CRYBG3: variants seen among roughly 807,000 people sequenced by gnomAD.
The protein encoded by CRYBG3 is very large A-kinase anchor protein.
In CRYBG3, 127 loss-of-function variants were observed where a neutral mutation model predicts 244.2. The observed-to-expected ratio is 0.52, with a 90% confidence interval of 0.45 to 0.60. The LOEUF (loss-of-function observed/expected upper bound fraction) is 0.60, where lower values mean the gene tolerates loss of function less well. Among genes scored for constraint, CRYBG3 ranks in the 20% least tolerant of loss-of-function variants. CRYBG3 has a pLI of 0.00. For synonymous variants in CRYBG3, 1,132 were observed against 1,195.8 expected, an observed-to-expected ratio of 0.95 and a Z score of 1.10; for missense variants, 3,325 against 3,442.5, an observed-to-expected ratio of 0.97 and a Z score of 0.85.
In CRYBG3 at chr3:97,873,838, C is replaced by G; in HGVS notation, c.2644C>G (p.Gln882Glu). 1 of 1,533,898 alleles carries G rather than the reference C, an allele frequency of 6.5e-7. No individual in the cohort carries two copies. Among genetic ancestry groups the G allele is most frequent in the Non-Finnish European group, 8.7e-7 (1 of 1,146,196 alleles). ...LSELTFLEVE[Q>E]GKRFQSINHN... Reference sequence around the variant, plus strand: ...AGAATTAACCTTTCTAGAAGTTGAACAGGGCAAACGTTTTCAATCAATTAA... The same window carrying G: ...AGAATTAACCTTTCTAGAAGTTGAAGAGGGCAAACGTTTTCAATCAATTAA... The change falls in exon 4 of 22, where the codon CAG (glutamine) becomes GAG (glutamate). Residue 882 changes from glutamine to glutamate, a missense_variant. Physicochemically the swap from Gln to Glu is conservative, Grantham distance 29. Around this residue, in one of 4 missense-constraint regions of CRYBG3, gnomAD observed 1,526 missense variants for 1,443.2 expected, o/e 1.06. Coordinates refer to ENST00000389622, the MANE Select transcript of CRYBG3 (RefSeq NM_153605.4).
chr3:97,875,713 A>T lies in CRYBG3; in HGVS notation c.4519A>T (p.Asn1507Tyr), dbSNP rs1156710990. Residue 1507 changes from asparagine to tyrosine, a missense_variant, in exon 4 of 22, where the codon AAC becomes TAC. Physicochemically the swap from Asn to Tyr is moderately radical, Grantham distance 143. Coordinates refer to ENST00000389622, the MANE Select transcript of CRYBG3 (RefSeq NM_153605.4). The stretch of plus-strand genomic sequence containing the variant: ...TAGCCTTGTATGTATATCTGAAAAA[A>T]ACTTGCCAGGACACAGTAAAAACAC... ...SDSLVCISEK[N>Y]LPGHSKNTPL... 1 of 1,232,238 alleles carries T rather than the reference A, an allele frequency of 8.1e-7. No individual in the cohort carries two copies. The highest frequency in any genetic ancestry group is 1.0e-6 in the Non-Finnish European group (1 of 988,170). The allele number at this position is 1,232,238 out of a possible 1,614,324, so 76.3% of individuals were successfully genotyped here.
intron 7 of CRYBG3, among the ~76,000 whole-genome samples, chr3:97,882,916 G>T (rs191824241): frequency 6.6e-6 from 1 of 152,268 alleles, no homozygotes; most frequent in East Asian, 1.9e-4. Flanking sequence ...CAATACTGTG[G>T]TGTGCACAGG....
rs139833783 is a variant in CRYBG3, at chr3:97,866,855, A to G, written c.647+2208A>G. Reference sequence around the variant, plus strand: ...CAATTCTCCAAAGTCTCCTCAACAAATAATGGTGGTTCTTGATTTAGGAGG... The same window carrying G: ...CAATTCTCCAAAGTCTCCTCAACAAGTAATGGTGGTTCTTGATTTAGGAGG... On this transcript the variant is annotated intron_variant, in intron 3 of 21. Transcript: ENST00000389622. 5.0e-3 allele frequency among the ~76,000 whole-genome samples: 756 copies of G among 152,332 alleles called. 4 individuals are homozygous for G. The highest frequency in any genetic ancestry group is 8.6e-3 in the Non-Finnish European group (582 of 68,028).
Position 97,876,160 on chromosome 3 carries a change from G to A in CRYBG3, c.4966G>A (p.Val1656Ile), listed in dbSNP as rs2039369035. ...CCAAAAGGATGCTGAAGGGGATATTGTAAAGACTGAGATGACACCTGTTAC... is the reference window on the plus strand; with the variant it reads ...CCAAAAGGATGCTGAAGGGGATATTATAAAGACTGAGATGACACCTGTTAC... ...IHQKDAEGDI[V>I]KTEMTPVTVD... is the part of the protein sequence containing the mutation. Residue 1656 changes from valine (V) to isoleucine (I), a missense_variant, in exon 4 of 22, where the codon GTA becomes ATA. Physicochemically the swap from Val to Ile is conservative, Grantham distance 29. This residue lies in a region of CRYBG3 where 635 missense variants were observed against 771.7 expected (regional missense o/e 0.82). Transcript: ENST00000389622. 1.6e-6 allele frequency: 2 copies of A among 1,231,812 alleles called. No individual in the cohort carries two copies. The highest frequency in any genetic ancestry group is 1.6e-5 in the African/African-American group (1 of 64,336). 76.3% of individuals were successfully genotyped at this position (1,231,812 alleles called of 1,614,324 possible).
intron 1 of CRYBG3, among the ~76,000 whole-genome samples, chr3:97,841,347 T>C (rs1048304718): frequency 6.6e-6 from 1 of 151,480 alleles, no homozygotes; most frequent in Non-Finnish European, 1.5e-5. Flanking sequence ...TATGCATATA[T>C]ATATGTATAT....
At chr3:97,832,095 T>C (rs1326620066) in intron 1 of CRYBG3, among the ~76,000 whole-genome samples, 1 of 152,076 alleles carries the variant, frequency 6.6e-6, no homozygotes, top group Non-Finnish European at 1.5e-5. Context: ...TGCTCGTTGA[T>C]AGGAAGAATC....
In CRYBG3 at chr3:97,880,029, C is replaced by G. The variant is rs1220528889; in HGVS notation, c.6933C>G (p.Val2311=). ...ATGAAAGTACATATAAACAAGAAGT[C>G]TACTGTAATATTCCTGATGCTACAT... The part of the protein sequence containing the change: ...DLHESTYKQE[V]YCNIPDATSW... The change falls in exon 6 of 22, where the codon GTC becomes GTG. Residue 2311 remains valine (V), a synonymous_variant. Coordinates refer to ENST00000389622, the MANE Select transcript of CRYBG3 (RefSeq NM_153605.4). 9.4e-6 allele frequency: 15 copies of G among 1,601,308 alleles called. No homozygotes were observed. Among genetic ancestry groups the G allele is most frequent in the Non-Finnish European group, 1.2e-5 (14 of 1,170,462 alleles).
At chr3:97,936,281 T>A (rs536155056) in intron 18 of CRYBG3, among the ~76,000 whole-genome samples, 14 of 152,098 alleles carry the variant, frequency 9.2e-5, no homozygotes, top group East Asian at 7.8e-4. Context: ...GAGCTGGGCC[T>A]TGAAGAGGGT....
chr3:97,858,309 T>C (rs186836520), intron 2 of CRYBG3, among the ~76,000 whole-genome samples: 1 of 152,156 alleles, frequency 6.6e-6, no homozygotes. Context: ...TTTAGAAATA[T>C]TTGCTTTTAG....
In CRYBG3 at chr3:97,881,149, A is replaced by T; in HGVS notation, c.7082A>T (p.Asp2361Val). ...LEEGEKVLNR[D>V]WILQNRRHPQ... ...GAAGGGGAAAAGGTGTTAAATCGTG[A>T]CTGGATTCTTCAGAACAGAAGGCAT... The change falls in exon 7 of 22, where the codon GAC becomes GTC. Residue 2361 changes from aspartate (D) to valine (V), a missense_variant. Coordinates refer to ENST00000389622, the MANE Select transcript of CRYBG3 (RefSeq NM_153605.4). 1 of 1,612,658 alleles carries T rather than the reference A, an allele frequency of 6.2e-7. No individual in the cohort carries two copies. Among genetic ancestry groups the T allele is most frequent in the Non-Finnish European group, 8.5e-7 (1 of 1,179,120 alleles).
At chr3:97,904,659 CTTTTAT>C (rs1423844843) in intron 15 of CRYBG3, among the ~76,000 whole-genome samples, 3 of 148,726 alleles carry the variant, frequency 2.0e-5, no homozygotes, top group Middle Eastern at 3.2e-3. Flanking sequence ...TGCGGCTTTT[CTTTTAT>C]TTTTATTTTT....
intron 17 of CRYBG3, among the ~76,000 whole-genome samples, chr3:97,931,232 G>C (rs1013396295): frequency 2.6e-5 from 4 of 152,012 alleles, no homozygotes; most frequent in African/African-American, 9.7e-5. Flanking sequence ...GCATTCATAG[G>C]GTTACTAGCT....
At chr3:97,935,308 T>TC (rs1430027073) in intron 18 of CRYBG3, among the ~76,000 whole-genome samples, 1 of 152,086 alleles carries the variant, frequency 6.6e-6, no homozygotes, top group Non-Finnish European at 1.5e-5. Context: ...CCTGACAGTT[T>TC]AAAGAATCTG....
chr3:97,852,137 A>T (rs1228053198), intron 2 of CRYBG3, among the ~76,000 whole-genome samples: 2 of 152,130 alleles, frequency 1.3e-5, no homozygotes, highest in African/African-American at 4.8e-5. Flanking sequence ...TCATCATCTG[A>T]ATATTTGAGT....
chr3:97,864,356 A>G lies in CRYBG3; in HGVS notation c.356A>G (p.Glu119Gly), dbSNP rs1408775938. 3.9e-6 allele frequency: 6 copies of G among 1,535,856 alleles called. No homozygotes were observed. The South Asian group carries it at 7.1e-5, about 18-fold the overall frequency. The change falls in exon 3 of 22, where the codon GAA (glutamate) becomes GGA (glycine). Residue 119 changes from glutamate (E) to glycine (G), a missense_variant. By Grantham distance (98) the Glu-to-Gly change is moderately conservative. Transcript: ENST00000389622. Reference protein sequence around the residue: ...KIGESDRQPKESFFQFLGNLF... With the variant: ...KIGESDRQPKGSFFQFLGNLF... The stretch of plus-strand genomic sequence containing the variant: ...GGAGAAAGTGACAGACAGCCAAAAG[A>G]AAGCTTTTTTCAGTTTCTTGGTAAC...
chr3:97,892,936 T>G lies in CRYBG3; in HGVS notation c.7517T>G (p.Phe2506Cys). 6.2e-7 allele frequency: 1 copy of G among 1,601,764 alleles called. No homozygotes were observed. The highest frequency in any genetic ancestry group is 8.5e-7 in the Non-Finnish European group (1 of 1,173,826). Residue 2506 changes from phenylalanine to cysteine, a missense_variant, in exon 11 of 22, where the codon TTT becomes TGT. By Grantham distance (205) the Phe-to-Cys change is radical (BLOSUM62 -2). This residue lies in a region of CRYBG3 where 714 missense variants were observed against 803.6 expected (regional missense o/e 0.89). Transcript: ENST00000389622. The stretch of plus-strand genomic sequence containing the variant: ...GAACATATAGATTCTGTTCCTAATT[T>G]TTTGAAAAATAATGGAGATTTTCAC... Reference protein sequence around the residue: ...FSEHIDSVPNFLKNNGDFHRI... With the variant: ...FSEHIDSVPNCLKNNGDFHRI...
rs2039331265 is a variant in CRYBG3 at position 97,873,545 on chromosome 3, A to G, written c.2351A>G (p.Glu784Gly). 2.6e-6 allele frequency: 4 copies of G among 1,535,484 alleles called. No individual in the cohort carries two copies. The highest frequency in any genetic ancestry group is 1.7e-4 in the Middle Eastern group (1 of 5,986). Residue 784 changes from glutamate to glycine, a missense_variant, in exon 4 of 22, where the codon GAG (glutamate) becomes GGG (glycine). Glu to Gly is a moderately conservative substitution (Grantham distance 98). This residue lies in a region of CRYBG3 where 1,526 missense variants were observed against 1,443.2 expected (regional missense o/e 1.06). Transcript: ENST00000389622. The stretch of plus-strand genomic sequence containing the variant: ...TTATCTCAAGACCCTAATAGAGTAG[A>G]GTTAGTGTCTTCAAACACTAAAGCA... Reference protein sequence around the residue: ...SILSQDPNRVELVSSNTKANM... With the variant: ...SILSQDPNRVGLVSSNTKANM...
intron 14 of CRYBG3, among the ~76,000 whole-genome samples, chr3:97,900,199 T>G (rs1172993965): frequency 6.6e-6 from 1 of 151,990 alleles, no homozygotes; most frequent in Admixed American, 6.6e-5. Flanking sequence ...TTAAGCAAAA[T>G]TAACTGGGCA....
rs763121420 is a variant in CRYBG3 at position 97,877,822 on chromosome 3, G to A, written c.6628G>A (p.Val2210Ile). ...TGAACCTACTACCTCCAATCTGCAA[G>A]TTGGTCTGTGGCCAGAAAAGACCTC... ...PNEPTTSNLQ[V>I]GLWPEKTSFL... The change falls in exon 4 of 22, where the codon GTT becomes ATT. Residue 2210 changes from valine to isoleucine, a missense_variant. Physicochemically the swap from Val to Ile is conservative, Grantham distance 29. This residue lies in a region of CRYBG3 where 450 missense variants were observed against 424.1 expected (regional missense o/e 1.06). Coordinates refer to ENST00000389622, the MANE Select transcript of CRYBG3 (RefSeq NM_153605.4). 3 of 1,614,080 alleles carry A rather than the reference G, an allele frequency of 1.9e-6. No homozygotes were observed. The highest frequency in any genetic ancestry group is 2.7e-5 in the African/African-American group (2 of 75,036).
Sources: gnomAD v4.1 joint callset for allele counts (sites outside exome capture counted in the v4.1 genomes callset) on GRCh38, gnomAD v4.1.1 for gene constraint, gnomAD v4.1.1 regional missense constraint, MANE v1.5 for transcripts, NCBI Gene and HGNC (gene_info 2026-07-23, HGNC 2026-07-21) for gene names.